Variants in LAP3 observed in about 807,000 individuals in gnomAD.
LAP3 encodes the protein leucine aminopeptidase 3.
A neutral mutation model predicts 58.8 loss-of-function variants in LAP3; 46 were observed. The ratio of observed to expected loss-of-function variants is 0.78; its 90% CI spans 0.62 to 1.00. The LOEUF (loss-of-function observed/expected upper bound fraction) is 1.00, where lower values mean the gene tolerates loss of function less well. Ranked by LOEUF, LAP3 falls within the 50% of genes least tolerant of loss-of-function variation. The pLI is 0.00. For missense variants in LAP3, 615 were observed against 659.1 expected, an observed-to-expected ratio of 0.93 and a Z score of 0.73; for synonymous variants, 257 against 237.7, an observed-to-expected ratio of 1.08 and a Z score of -0.75.
intron 6 of LAP3, among the ~76,000 whole-genome samples, chr4:17,586,462 A>G (rs1430177693): frequency 3.9e-5 from 6 of 152,348 alleles, no homozygotes; most frequent in African/African-American, 9.6e-5. Flanking sequence ...ATCTATAGCA[A>G]TGTTTAGGTT....
At chr4:17,581,881 C>A in intron 3 of LAP3, 67 bp downstream of exon 3, 1 of 1,206,988 alleles carries the variant, frequency 8.3e-7, no homozygotes, top group Non-Finnish European at 1.2e-6. Flanking sequence ...AGTATTGGGG[C>A]TGTCTAGTCA....
In LAP3 at chr4:17,577,491, C is replaced by T. The variant is rs201919858; in HGVS notation, c.26C>T (p.Ala9Val). 14 of 1,582,670 alleles carry T rather than the reference C, an allele frequency of 8.8e-6. No homozygotes were observed. The highest frequency in any genetic ancestry group is 7.0e-5 in the East Asian group (3 of 43,044). Residue 9 changes from alanine (A) to valine (V), a missense_variant, in exon 1 of 13, where the codon GCG becomes GTG. Physicochemically the swap from Ala to Val is moderately conservative, Grantham distance 64. Coordinates refer to ENST00000226299, the MANE Select transcript of LAP3 (RefSeq NM_015907.3). ...ATGTTCTTGCTGCCTCTTCCGGCTG[C>T]GGGGCGAGTAGTCGTCCGACGTCTG... MFLLPLPA[A>V]GRVVVRRLAV...
In LAP3 at chr4:17,595,457, C is replaced by G. The variant is rs539544535; in HGVS notation, c.911C>G (p.Ala304Gly). ...KASANMDLMRADMGGAATICS... is the reference protein window; with the variant it reads ...KASANMDLMRGDMGGAATICS... ...TCTGCAAATATGGACCTCATGAGGGCTGACATGGGAGGAGCTGCAACTATA... is the reference window on the plus strand; with the variant it reads ...TCTGCAAATATGGACCTCATGAGGGGTGACATGGGAGGAGCTGCAACTATA... Residue 304 changes from alanine (A) to glycine (G), a missense_variant, in exon 8 of 13, where the codon GCT becomes GGT. Physicochemically the swap from Ala to Gly is moderately conservative, Grantham distance 60 (BLOSUM62 0). Coordinates refer to ENST00000226299, the MANE Select transcript of LAP3 (RefSeq NM_015907.3). The G allele has an allele frequency of 6.2e-7, 1 of 1,613,878 alleles. No homozygotes were observed. Among genetic ancestry groups the G allele is most frequent in the Non-Finnish European group, 8.5e-7 (1 of 1,179,860 alleles).
rs143229192 is a variant in LAP3 at position 17,593,326 on chromosome 4, A to G, written c.864-2084A>G. ...TTTGTTTTTGTCTTTTTTTTTTCCTATGTGGCTGTTCATTTACTTCTGCAC... is the reference window on the plus strand; with the variant it reads ...TTTGTTTTTGTCTTTTTTTTTTCCTGTGTGGCTGTTCATTTACTTCTGCAC... On this transcript the variant is annotated intron_variant, in intron 7 of 12. Transcript: ENST00000226299. Among the ~76,000 whole-genome samples, 111 of 151,380 alleles carry G rather than the reference A, an allele frequency of 7.3e-4. 1 individual carries two copies. The East Asian group carries it at 0.011, about 15-fold the overall frequency.
At chr4:17,590,142 T>G (rs1244956160) in intron 7 of LAP3, among the ~76,000 whole-genome samples, 1 of 152,180 alleles carries the variant, frequency 6.6e-6, no homozygotes, top group Non-Finnish European at 1.5e-5. Flanking sequence ...TTCATTTTTG[T>G]TTTATTTGCT....
rs1197256441 is a variant in LAP3, at chr4:17,577,357, C to G, written c.-109C>G. On this transcript the variant is annotated 5_prime_UTR_variant, in exon 1 of 13. Coordinates refer to ENST00000226299, the MANE Select transcript of LAP3 (RefSeq NM_015907.3). ...ACGTCCGCTCGCCCGGCGCCCGAGC[C>G]AGTCCGCGCGCACGCCGTCTGCGCC... 7.7e-6 allele frequency: 6 copies of G among 783,056 alleles called. No individual in the cohort carries two copies. The African/African-American group carries it at 1.1e-4, about 15-fold the overall frequency. 48.5% of individuals were successfully genotyped at this position (783,056 alleles called of 1,614,324 possible).
intron 3 of LAP3, 113 bp downstream of exon 3, chr4:17,581,927 TC>T: frequency 1.1e-6 from 1 of 897,390 alleles, no homozygotes; most frequent in Non-Finnish European, 1.8e-6. Context: ...ATGATTTTAT[TC>T]CACTATTAAG....
At chr4:17,597,994 G>C (rs2109022892) in intron 9 of LAP3, among the ~76,000 whole-genome samples, 1 of 152,292 alleles carries the variant, frequency 6.6e-6, no homozygotes, top group Middle Eastern at 3.4e-3. Context: ...CTGCCATGTA[G>C]CTGTAGCTTT....
chr4:17,595,150 T>A (rs1713797440), intron 7 of LAP3, among the ~76,000 whole-genome samples: 1 of 148,894 alleles, frequency 6.7e-6, no homozygotes, highest in South Asian at 2.2e-4. Flanking sequence ...CACAAAAAAA[T>A]TAGCCAGGCA....
chr4:17,607,648 T>G lies in LAP3; in HGVS notation c.*59T>G, dbSNP rs2109025599. The G allele has an allele frequency of 7.8e-7, 1 of 1,280,822 alleles. No individual in the cohort carries two copies. Among genetic ancestry groups the G allele is most frequent in the South Asian group, 1.7e-5 (1 of 58,276 alleles). The allele number at this position is 1,280,822 out of a possible 1,614,324, so 79.3% of individuals were successfully genotyped here. A position where few individuals can be genotyped will look rare whatever the true frequency, so the allele number is the denominator to read the frequency against. On this transcript the variant is annotated 3_prime_UTR_variant, in exon 13 of 13. Coordinates refer to ENST00000226299, the MANE Select transcript of LAP3 (RefSeq NM_015907.3). ...AAATTGGACAGTTGAACTTAAAAGG[T>G]TTTTGAATAAATGGATGAAAATCTT...
In LAP3 at chr4:17,577,454, C is replaced by T; in HGVS notation, c.-12C>T. On this transcript the variant is annotated 5_prime_UTR_variant, in exon 1 of 13. Coordinates refer to ENST00000226299, the MANE Select transcript of LAP3 (RefSeq NM_015907.3). Reference sequence around the variant, plus strand: ...CTCGCTGGAGGGCGGTGCGAGGGGCCGAGCCGACAAGATGTTCTTGCTGCC... The same window carrying T: ...CTCGCTGGAGGGCGGTGCGAGGGGCTGAGCCGACAAGATGTTCTTGCTGCC... The T allele has an allele frequency of 3.2e-6, 5 of 1,547,008 alleles. No individual in the cohort carries two copies. The highest frequency in any genetic ancestry group is 1.2e-5 in the South Asian group (1 of 83,722).
At chr4:17,602,857 T>G (rs577054443) in intron 10 of LAP3, among the ~76,000 whole-genome samples, 6 of 152,002 alleles carry the variant, frequency 3.9e-5, no homozygotes, top group African/African-American at 1.4e-4. Flanking sequence ...GATTTTTGTA[T>G]TTTTAGTAGA....
In LAP3 at chr4:17,583,582, A is replaced by G. The variant is rs1375927031; in HGVS notation, c.479A>G (p.Tyr160Cys). The change falls in exon 5 of 13, where the codon TAT becomes TGT. Residue 160 changes from tyrosine (Y) to cysteine (C), a missense_variant. Physicochemically the swap from Tyr to Cys is radical, Grantham distance 194. Transcript: ENST00000226299. ...GCGGAGGGAGCGGTGCTTGGTCTCTATGAATACGATGACCTAAAGCAAAAA... is the reference window on the plus strand; with the variant it reads ...GCGGAGGGAGCGGTGCTTGGTCTCTGTGAATACGATGACCTAAAGCAAAAA... ...AAAEGAVLGL[Y>C]EYDDLKQKKK... 1.2e-6 allele frequency: 2 copies of G among 1,614,168 alleles called. No homozygotes were observed. Among genetic ancestry groups the G allele is most frequent in the South Asian group, 1.1e-5 (1 of 91,086 alleles).
intron 3 of LAP3, 30 bp from the exon 4 acceptor site, chr4:17,582,258 A>C: frequency 6.5e-7 from 1 of 1,544,322 alleles, no homozygotes; most frequent in Non-Finnish European, 8.9e-7. Context: ...AAAGAAATAA[A>C]GTGGTTGATT....
chr4:17,597,798 T>C (rs560171632), intron 9 of LAP3, among the ~76,000 whole-genome samples: 55 of 152,242 alleles, frequency 3.6e-4, no homozygotes, highest in Admixed American at 3.1e-3. Context: ...GGTGTTGAGG[T>C]AGAACATACT....
chr4:17,591,382 C>T (rs564514388), intron 7 of LAP3, among the ~76,000 whole-genome samples: 2 of 151,970 alleles, frequency 1.3e-5, no homozygotes, highest in South Asian at 2.1e-4. Flanking sequence ...ATCTCGTGAT[C>T]CCCCCACCTT....
At chr4:17,584,937 G>T (rs201368834) in intron 5 of LAP3, 35 bp from the exon 6 acceptor site, 28 of 1,606,680 alleles carry the variant, frequency 1.7e-5, no homozygotes, top group Non-Finnish European at 2.1e-5. Context: ...TTCTTGAGAG[G>T]TTGTTTGACA....
At chr4:17,584,635 G>A (rs1363760726) in intron 5 of LAP3, among the ~76,000 whole-genome samples, 1 of 152,218 alleles carries the variant, frequency 6.6e-6, no homozygotes, top group East Asian at 1.9e-4. Flanking sequence ...GGGCTTTTCT[G>A]TGGAAGCCTC....
intron 12 of LAP3, 27 bp from the exon 13 acceptor site, chr4:17,607,373 T>C (rs1714167745): frequency 6.3e-7 from 1 of 1,599,912 alleles, no homozygotes; most frequent in Admixed American, 1.8e-5. Flanking sequence ...CATGGGGTTG[T>C]AAAGTGCTTT....
Sources: gnomAD v4.1 joint callset for allele counts (sites outside exome capture counted in the v4.1 genomes callset) on GRCh38, gnomAD v4.1.1 for gene constraint, MANE v1.5 for transcripts, NCBI Gene and HGNC (gene_info 2026-07-23, HGNC 2026-07-21) for gene names.